Variants in C6 observed in about 807,000 individuals in gnomAD.
C6 encodes the protein complement component C6.
Under a neutral mutation model 112.9 loss-of-function variants are expected in C6, and 101 were observed. The ratio of observed to expected loss-of-function variants is 0.89; its 90% CI spans 0.76 to 1.06. The LOEUF (loss-of-function observed/expected upper bound fraction) is 1.06. Among genes scored for constraint, C6 ranks in the 50% least tolerant of loss-of-function variants. C6 has a pLI of 0.00. For synonymous variants in C6, 431 were observed against 384.1 expected, an observed-to-expected ratio of 1.12 and a Z score of -1.43; for missense variants, 1,202 against 1,104.6, an observed-to-expected ratio of 1.09 and a Z score of -1.25.
At chr5:41,259,890 C>T (rs1741939748) in intron 1 of C6, among the ~76,000 whole-genome samples, 1 of 152,336 alleles carries the variant, frequency 6.6e-6, no homozygotes, top group South Asian at 2.1e-4. Context: ...ACCAGAATGT[C>T]TCACAGAAAT....
At chr5:41,147,027 C>T (rs1353029227) in intron 17 of C6, among the ~76,000 whole-genome samples, 6 of 152,084 alleles carry the variant, frequency 3.9e-5, no homozygotes, top group Non-Finnish European at 7.4e-5. Context: ...AATGCCTGAC[C>T]TATCTATTAC....
intron 6 of C6, among the ~76,000 whole-genome samples, chr5:41,184,106 T>G (rs983754734): frequency 2.0e-5 from 3 of 151,526 alleles, no homozygotes; most frequent in East Asian, 3.9e-4. Flanking sequence ...AACTCGCATA[T>G]GTATTCCCTG....
rs543691644 is a variant in C6 at position 41,153,740 on chromosome 5, A to G, written c.2290+70T>C. ...TCAGTGCTTAAGAAATATAATGGCTATAGAGGCTATACTACCAATCTCAGG... is the reference window on the plus strand; with the variant it reads ...TCAGTGCTTAAGAAATATAATGGCTGTAGAGGCTATACTACCAATCTCAGG... On this transcript the variant is annotated intron_variant, in intron 15 of 17. Transcript: ENST00000337836. 45 of 1,147,232 alleles carry G rather than the reference A, an allele frequency of 3.9e-5. No homozygotes were observed. The African/African-American group carries it at 5.6e-4, about 14-fold the overall frequency. 71.1% of individuals were successfully genotyped at this position (1,147,232 alleles called of 1,614,324 possible). A position where few individuals can be genotyped will look rare whatever the true frequency, so the allele number is the denominator to read the frequency against.
intron 1 of C6, among the ~76,000 whole-genome samples, chr5:41,208,106 G>A (rs1406553484): frequency 6.6e-6 from 1 of 152,172 alleles, no homozygotes; most frequent in Non-Finnish European, 1.5e-5. Context: ...TGAACAACCT[G>A]CTCTTGAATG....
In C6 at chr5:41,207,071, A is replaced by G. The variant is rs370753431; in HGVS notation, c.-20-3821T>C. Among the ~76,000 whole-genome samples, 43 of 152,288 alleles carry G rather than the reference A, an allele frequency of 2.8e-4. No individual in the cohort carries two copies. The East Asian group carries it at 7.3e-3, about 26-fold the overall frequency. ...GCCAGAAGAGAGTAGGGGCCAATAT[A>G]CAACATTCTTAAAGAAAAGAATTTT... On this transcript the variant is annotated intron_variant, in intron 1 of 17. Transcript: ENST00000337836.
intron 1 of C6, among the ~76,000 whole-genome samples, chr5:41,209,302 A>G (rs1193893298): frequency 1.3e-5 from 2 of 152,206 alleles, no homozygotes; most frequent in Admixed American, 1.3e-4. Flanking sequence ...TCCCTTTGAA[A>G]ACTGGCACAA....
At chr5:41,146,502 G>A (rs1024655563) in intron 17 of C6, among the ~76,000 whole-genome samples, 1 of 152,106 alleles carries the variant, frequency 6.6e-6, no homozygotes, top group African/African-American at 2.4e-5. Flanking sequence ...GCTATCATTT[G>A]TATATTGATA....
intron 7 of C6, among the ~76,000 whole-genome samples, chr5:41,179,042 T>C (rs958855238): frequency 1.3e-5 from 2 of 151,986 alleles, no homozygotes; most frequent in African/African-American, 4.8e-5. Flanking sequence ...TTAGTAGAGA[T>C]GAAGTTTCAC....
rs1173599024 is a variant in C6 at position 41,203,196 on chromosome 5, A to T, written c.35T>A (p.Leu12Gln). The stretch of plus-strand genomic sequence containing the variant: ...TTGGCCCTTGTTGATCAGAGCATTC[A>T]GCAGGATGAAGTACAAGACAGAGCG... ...ARRSVLYFIL[L>Q]NALINKGQAC... Residue 12 changes from leucine to glutamine, a missense_variant, in exon 2 of 18, where the codon CTG (leucine) becomes CAG (glutamine). Transcript: ENST00000337836. 6.2e-7 allele frequency: 1 copy of T among 1,614,162 alleles called. No individual in the cohort carries two copies. Among genetic ancestry groups the T allele is most frequent in the Non-Finnish European group, 8.5e-7 (1 of 1,179,994 alleles).
chr5:41,255,293 G>A (rs1741621233), intron 1 of C6, among the ~76,000 whole-genome samples: 2 of 151,696 alleles, frequency 1.3e-5, no homozygotes, highest in Admixed American at 6.6e-5. Flanking sequence ...CCTGGGAGGC[G>A]GCGGCCGCAG....
chr5:41,166,756 G>A (rs184493704), intron 9 of C6, among the ~76,000 whole-genome samples: 3 of 152,226 alleles, frequency 2.0e-5, no homozygotes, highest in Admixed American at 2.0e-4. Context: ...AACAACAATA[G>A]AGATGGTAAT....
chr5:41,158,347 A>G (rs72753972), intron 13 of C6, among the ~76,000 whole-genome samples: 3,174 of 152,266 alleles, frequency 0.021, 53 homozygotes, highest in Middle Eastern at 0.075. Flanking sequence ...TCCTTAGGTA[A>G]GGGTATCAGT....
intron 1 of C6, among the ~76,000 whole-genome samples, chr5:41,224,202 C>T (rs1002563917): frequency 2.0e-5 from 3 of 152,150 alleles, no homozygotes; most frequent in Admixed American, 6.6e-5. Context: ...ACTAAATGTG[C>T]TGTCAGCAGT....
chr5:41,205,537 C>T (rs1246360350), intron 1 of C6, among the ~76,000 whole-genome samples: 2 of 152,206 alleles, frequency 1.3e-5, no homozygotes, highest in Non-Finnish European at 2.9e-5. Flanking sequence ...AGGCACATTT[C>T]CAATGGTCTT....
chr5:41,186,150 C>T lies in C6; in HGVS notation c.646G>A (p.Gly216Arg), dbSNP rs2150334408. The T allele has an allele frequency of 6.2e-7, 1 of 1,613,910 alleles. No homozygotes were observed. The highest frequency in any genetic ancestry group is 8.5e-7 in the Non-Finnish European group (1 of 1,179,878). ...GEVLDNSFTG[G>R]ICKTVKSSRT... The stretch of plus-strand genomic sequence containing the variant: ...CTGCTTTTGACAGTTTTACATATTC[C>T]TCCAGTGAAAGAGTTATCAAGGACT... The change falls in exon 6 of 18, where the codon GGA becomes AGA. Residue 216 changes from glycine to arginine, a missense_variant. Coordinates refer to ENST00000337836, the MANE Select transcript of C6 (RefSeq NM_000065.5).
At chr5:41,229,174 T>G (rs534485137) in intron 1 of C6, among the ~76,000 whole-genome samples, 1 of 152,086 alleles carries the variant, frequency 6.6e-6, no homozygotes, top group Non-Finnish European at 1.5e-5. Flanking sequence ...TTCTATTTTC[T>G]ATTTCATTTA....
chr5:41,203,102 G>C lies in C6; in HGVS notation c.129C>G (p.Thr43=), dbSNP rs1751158642. The C allele has an allele frequency of 6.2e-7, 1 of 1,613,842 alleles. No individual in the cohort carries two copies. The highest frequency in any genetic ancestry group is 1.7e-5 in the Admixed American group (1 of 59,986). ...CTCACACCCACCTGTGTCTGCTCTG[G>C]GTTCCAGAATTGCAAGTTTTTGAGC... The part of the protein sequence containing the change: ...TSCSKTCNSG[T]QSRHRQIVVD... Residue 43 remains threonine, a synonymous_variant, in exon 2 of 18, where the codon ACC becomes ACG. Coordinates refer to ENST00000337836, the MANE Select transcript of C6 (RefSeq NM_000065.5).
At chr5:41,231,693 C>T (rs975703333) in intron 1 of C6, among the ~76,000 whole-genome samples, 2 of 151,884 alleles carry the variant, frequency 1.3e-5, no homozygotes, top group Non-Finnish European at 2.9e-5. Flanking sequence ...ACTAATTAGA[C>T]TTATTTTAAA....
intron 1 of C6, among the ~76,000 whole-genome samples, chr5:41,255,949 A>G (rs1741668172): frequency 6.6e-6 from 1 of 152,220 alleles, no homozygotes; most frequent in South Asian, 2.1e-4. Context: ...GAAAGGAAGT[A>G]TGGGGTTACA....
Sources: allele counts gnomAD v4.1 joint callset (sites outside exome capture counted in the v4.1 genomes callset), GRCh38; gene constraint gnomAD v4.1.1; transcripts MANE v1.5; gene names NCBI Gene and HGNC (gene_info 2026-07-23, HGNC 2026-07-21).